The following ARHGEF4 variants were observed in gnomAD, a reference collection of about 807,000 sequenced individuals.
ARHGEF4 encodes the protein APC-stimulated guanine nucleotide exchange factor 1.
Under a neutral mutation model 162.0 loss-of-function variants are expected in ARHGEF4, and 119 were observed. That is an observed-to-expected ratio of 0.73 (90% CI 0.63 to 0.86). The LOEUF is 0.86. ARHGEF4 is among the 40% of genes least tolerant of loss of function. ARHGEF4 has a pLI of 0.00. For synonymous variants in ARHGEF4, 1,014 were observed against 979.9 expected (o/e 1.03, Z -0.65); for missense variants, 2,488 against 2,456.0 (o/e 1.01, Z -0.28).
At chr2:130,943,120 A>G (rs1413318987) in intron 3 of ARHGEF4, among the ~76,000 whole-genome samples, 1 of 152,136 alleles carries the variant, frequency 6.6e-6, no homozygotes, top group Non-Finnish European at 1.5e-5. Context: ...TTTGCTTCAT[A>G]TATTTTGAAT....
chr2:130,876,481 T>G lies in ARHGEF4; in HGVS notation c.40-37505T>G, dbSNP rs577416661. ...ATCTCGGCTCACTGCAAGCTCCGCC[T>G]CCTCGGTTCACGCCATTCTCCTGCC... On this transcript the variant is annotated intron_variant, in intron 1 of 13. Transcript: ENST00000409359. 2.4e-4 allele frequency among the ~76,000 whole-genome samples: 37 copies of G among 152,254 alleles called. 1 individual carries two copies. In the East Asian group the frequency reaches 6.4e-3, roughly 26 times the overall value.
chr2:130,899,788 G>A (rs184798099), intron 1 of ARHGEF4, among the ~76,000 whole-genome samples: 4 of 152,260 alleles, frequency 2.6e-5, no homozygotes, highest in African/African-American at 9.6e-5. Context: ...CAAGGGGGTG[G>A]GAGGGCGATG....
chr2:130,897,140 C>T (rs2105004526), intron 1 of ARHGEF4, among the ~76,000 whole-genome samples: 1 of 152,258 alleles, frequency 6.6e-6, no homozygotes, highest in East Asian at 1.9e-4. Flanking sequence ...CAGCGCACTC[C>T]CTGTCTGTCA....
At chr2:130,985,288 C>T (rs1686406122) in intron 4 of ARHGEF4, among the ~76,000 whole-genome samples, 2 of 152,102 alleles carry the variant, frequency 1.3e-5, no homozygotes, top group African/African-American at 4.8e-5. Context: ...TCCAAGGCAG[C>T]GGAACCACAA....
At chr2:130,892,465 A>G (rs77145436) in intron 1 of ARHGEF4, among the ~76,000 whole-genome samples, 2,143 of 152,254 alleles carry the variant, frequency 0.014, 53 homozygotes, top group African/African-American at 0.048. Flanking sequence ...GCTTCTTACC[A>G]ACTGGTTATA....
intron 1 of ARHGEF4, among the ~76,000 whole-genome samples, chr2:130,865,001 A>T (rs1682168269): frequency 6.6e-6 from 1 of 152,154 alleles, no homozygotes; most frequent in Non-Finnish European, 1.5e-5. Flanking sequence ...TACTTCCTGA[A>T]CGTTTTTGTT....
In ARHGEF4 at chr2:131,028,049, C is replaced by T. The variant is rs758491276; in HGVS notation, c.4090C>T (p.Pro1364Ser). Residue 1364 changes from proline (P) to serine (S), a missense_variant, in exon 5 of 14, where the codon CCT (proline) becomes TCT (serine). Physicochemically the swap from Pro to Ser is moderately conservative, Grantham distance 74. This residue lies in a region of ARHGEF4 where 1,642 missense variants were observed against 1,481.5 expected (regional missense o/e 1.11). Coordinates refer to ENST00000409359, the MANE Select transcript of ARHGEF4 (RefSeq NM_001367493.1). Reference sequence around the variant, plus strand: ...CAGCTCCAGCCACCACTACAGCCACCCTGGAGGGGGTGGGGAGCAGCTGGC... The same window carrying T: ...CAGCTCCAGCCACCACTACAGCCACTCTGGAGGGGGTGGGGAGCAGCTGGC... ...LHSSSHHYSHPGGGGEQLAIN... is the reference protein window; with the variant it reads ...LHSSSHHYSHSGGGGEQLAIN... 6.2e-7 allele frequency: 1 copy of T among 1,614,044 alleles called. No individual in the cohort carries two copies. The highest frequency in any genetic ancestry group is 1.1e-5 in the South Asian group (1 of 91,076).
chr2:130,883,843 A>G lies in ARHGEF4; in HGVS notation c.40-30143A>G, dbSNP rs1277356520. ...AGGCTGGAAACTGGGGTCTGTCACTATCTGTGTGACTGTGTGTGAATTCCT... is the reference window on the plus strand; with the variant it reads ...AGGCTGGAAACTGGGGTCTGTCACTGTCTGTGTGACTGTGTGTGAATTCCT... On this transcript the variant is annotated intron_variant, in intron 1 of 13. Transcript: ENST00000409359. Among the ~76,000 whole-genome samples the G allele has an allele frequency of 3.9e-5, 6 of 152,250 alleles. No individual in the cohort carries two copies. The South Asian group carries it at 8.3e-4, about 21-fold the overall frequency.
At chr2:130,992,088 A>C (rs1352395063) in intron 4 of ARHGEF4, among the ~76,000 whole-genome samples, 1 of 152,166 alleles carries the variant, frequency 6.6e-6, no homozygotes, top group Non-Finnish European at 1.5e-5. Context: ...GGGGCCTTGG[A>C]GAACCTTTGT....
chr2:130,951,813 A>G (rs548108589), intron 4 of ARHGEF4, among the ~76,000 whole-genome samples: 2 of 152,258 alleles, frequency 1.3e-5, no homozygotes, highest in African/African-American at 4.8e-5. Flanking sequence ...ACTCCTTTAT[A>G]GCTCTATTCC....
chr2:130,971,181 A>G (rs866750677), intron 4 of ARHGEF4, among the ~76,000 whole-genome samples: 2 of 152,142 alleles, frequency 1.3e-5, no homozygotes, highest in East Asian at 3.8e-4. Context: ...TTTTTTCTCC[A>G]TTAATTTCCT....
rs201010858 is a variant in ARHGEF4, at chr2:131,044,569, C to T, written c.5401+27C>T. ...TTCGAGACCCTGCTGGGCCTTGCCC[C>T]GCCCCCAGGGCCCACCCGGCGCTCC... On this transcript the variant is annotated intron_variant, in intron 12 of 13. Transcript: ENST00000409359. 45 of 1,539,338 alleles carry T rather than the reference C, an allele frequency of 2.9e-5. No homozygotes were observed. In the Admixed American group the frequency reaches 5.3e-4, roughly 18 times the overall value.
chr2:130,904,005 A>C (rs952561448), intron 1 of ARHGEF4, among the ~76,000 whole-genome samples: 12 of 152,194 alleles, frequency 7.9e-5, no homozygotes, highest in African/African-American at 2.9e-4. Flanking sequence ...TCTTTGATAT[A>C]ATGATTTCTT....
At chr2:131,013,581 ATTTG>A (rs932149939) in intron 4 of ARHGEF4, among the ~76,000 whole-genome samples, 9 of 152,090 alleles carry the variant, frequency 5.9e-5, no homozygotes, top group African/African-American at 1.9e-4. Flanking sequence ...TAGAAGTCTA[ATTTG>A]TTTGTTTGAT....
intron 4 of ARHGEF4, among the ~76,000 whole-genome samples, chr2:131,021,384 A>G: frequency 6.6e-6 from 1 of 152,218 alleles, no homozygotes; most frequent in East Asian, 1.9e-4. Context: ...TGGGGAAAGG[A>G]TTCCCCATTT....
chr2:130,943,241 G>T (rs974156469), intron 3 of ARHGEF4, among the ~76,000 whole-genome samples: 1 of 152,008 alleles, frequency 6.6e-6, no homozygotes, highest in African/African-American at 2.4e-5. Context: ...TCTGAAATTG[G>T]TTTTGTCTGA....
chr2:130,935,413 G>A (rs1249380548), intron 3 of ARHGEF4, among the ~76,000 whole-genome samples: 1 of 152,136 alleles, frequency 6.6e-6, no homozygotes, highest in South Asian at 2.1e-4. Flanking sequence ...TATTAGCTTT[G>A]GGGTTAGTTT....
chr2:130,839,295 G>A (rs546966276), intron 1 of ARHGEF4, among the ~76,000 whole-genome samples: 1 of 152,304 alleles, frequency 6.6e-6, no homozygotes, highest in East Asian at 1.9e-4. Flanking sequence ...GCCTCCTGGT[G>A]TCCCCAGGGA....
In ARHGEF4 at chr2:131,039,931, G is replaced by A. The variant is rs1473264867; in HGVS notation, c.4306-85G>A. On this transcript the variant is annotated intron_variant, in intron 6 of 13. Transcript: ENST00000409359. Reference sequence around the variant, plus strand: ...CCCGTACACCCTGCGGGGCCTCCGAGGCCCGGTTCCCGCCGCTGCGGCGCA... The same window carrying A: ...CCCGTACACCCTGCGGGGCCTCCGAAGCCCGGTTCCCGCCGCTGCGGCGCA... The A allele has an allele frequency of 2.6e-4, 385 of 1,497,600 alleles. 1 individual carries two copies. The highest frequency in any genetic ancestry group is 2.2e-5 in the Non-Finnish European group (25 of 1,131,266). 92.8% of individuals were successfully genotyped at this position (1,497,600 alleles called of 1,614,324 possible). A position where few individuals can be genotyped will look rare whatever the true frequency, so the allele number is the denominator to read the frequency against.
Sources: allele counts gnomAD v4.1 joint callset (sites outside exome capture counted in the v4.1 genomes callset), GRCh38; gene constraint gnomAD v4.1.1; regional missense constraint gnomAD v4.1.1; transcripts MANE v1.5; gene names NCBI Gene and HGNC (gene_info 2026-07-23, HGNC 2026-07-21).